Variants in SLC27A6 observed in about 807,000 individuals in gnomAD.
The protein encoded by SLC27A6 is long-chain fatty acid transport protein 6.
Under a neutral mutation model 63.9 loss-of-function variants are expected in SLC27A6, and 74 were observed. The observed-to-expected ratio is 1.16, with a 90% confidence interval of 0.96 to 1.40. The LOEUF (loss-of-function observed/expected upper bound fraction) is 1.40, where lower values mean the gene tolerates loss of function less well. SLC27A6 is among the 40% of genes most tolerant of loss of function. The probability of loss-of-function intolerance (pLI) is 0.00; values close to 1 mark genes in which losing one functional copy is unlikely to be tolerated. For synonymous variants in SLC27A6, 287 were observed against 260.8 expected (o/e 1.10, Z -0.97); for missense variants, 794 against 732.9 (o/e 1.08, Z -0.96).
At chr5:128,995,583 G>A (rs544935045) in intron 4 of SLC27A6, among the ~76,000 whole-genome samples, 8 of 152,274 alleles carry the variant, frequency 5.3e-5, no homozygotes, top group African/African-American at 1.9e-4. Flanking sequence ...TGGCTTCACA[G>A]AAATAGTAAT....
intron 2 of SLC27A6, 48 bp from the exon 3 acceptor site, chr5:128,988,552 T>G: frequency 6.8e-7 from 1 of 1,461,110 alleles, no homozygotes; most frequent in East Asian, 2.3e-5. Flanking sequence ...CATATGTATA[T>G]GTATGTATGT....
At position 128,970,923 on chromosome 5, in the gene SLC27A6, C is replaced by T. The variant is rs532545846; in HGVS notation, c.481+4305C>T. Among the ~76,000 whole-genome samples the T allele has an allele frequency of 3.9e-5, 6 of 152,256 alleles. No individual in the cohort carries two copies. The South Asian group carries it at 1.2e-3, about 32-fold the overall frequency. On this transcript the variant is annotated intron_variant, in intron 1 of 9. Transcript: ENST00000262462. ...GCTATAAATTTCCCTCTACACACTGCTTTAAATGTTTTCCAGAGATTCTGA... is the reference window on the plus strand; with the variant it reads ...GCTATAAATTTCCCTCTACACACTGTTTTAAATGTTTTCCAGAGATTCTGA...
At position 128,990,374 on chromosome 5, in the gene SLC27A6, A is replaced by G. The variant is rs61744876; in HGVS notation, c.879A>G (p.Ala293=). ...GTGTGTTAAAGAAGAAATTTTCAGC[A>G]AGCCAGTTTTGGAGTGACTGCAAGA... The part of the protein sequence containing the change: ...ATCVLKKKFS[A]SQFWSDCKKY... Residue 293 remains alanine, a synonymous_variant, in exon 4 of 10, where the codon GCA becomes GCG. Coordinates refer to ENST00000262462, the MANE Select transcript of SLC27A6 (RefSeq NM_001017372.3). 1.1e-3 allele frequency: 1,843 copies of G among 1,613,954 alleles called. 21 individuals carry two copies. The African/African-American group carries it at 0.022, about 19-fold the overall frequency.
chr5:128,971,330 A>G (rs186424505), intron 1 of SLC27A6, among the ~76,000 whole-genome samples: 7 of 152,146 alleles, frequency 4.6e-5, no homozygotes, highest in African/African-American at 1.7e-4. Context: ...TTTTGGTCTC[A>G]TTGATCTGTC....
chr5:129,016,820 A>G (rs1751914123), intron 5 of SLC27A6, among the ~76,000 whole-genome samples: 1 of 152,170 alleles, frequency 6.6e-6, no homozygotes, highest in Admixed American at 6.5e-5. Context: ...CTATATTAAG[A>G]TAGCACTAAA....
At chr5:128,990,258 A>G in intron 3 of SLC27A6, 82 bp from the exon 4 acceptor site, 2 of 1,371,076 alleles carry the variant, frequency 1.5e-6, no homozygotes, top group Middle Eastern at 1.8e-4. Flanking sequence ...CATGTTCTAG[A>G]CAGAGAAACA....
chr5:129,029,810 G>A (rs1008930122), intron 9 of SLC27A6, 103 bp downstream of exon 9: 16 of 1,009,292 alleles, frequency 1.6e-5, no homozygotes, highest in Non-Finnish European at 2.4e-5. Context: ...TGTGAGTTAT[G>A]TGAGAGGCGT....
At chr5:128,972,661 A>G (rs974118145) in intron 1 of SLC27A6, among the ~76,000 whole-genome samples, 1 of 152,112 alleles carries the variant, frequency 6.6e-6, no homozygotes, top group Non-Finnish European at 1.5e-5. Flanking sequence ...CTAATTAGCC[A>G]TTCATCTAAT....
At chr5:128,990,196 A>C in intron 3 of SLC27A6, 144 bp from the exon 4 acceptor site, 2 of 734,686 alleles carry the variant, frequency 2.7e-6, no homozygotes, top group Non-Finnish European at 4.3e-6. Context: ...TTTCCAAATG[A>C]GTTTGATATA....
intron 7 of SLC27A6, among the ~76,000 whole-genome samples, chr5:129,027,741 C>A (rs1247693795): frequency 6.6e-6 from 1 of 152,012 alleles, no homozygotes. Flanking sequence ...TATTTTAGGC[C>A]TATGAAATTA....
At chr5:128,968,377 AAC>A (rs1749993287) in intron 1 of SLC27A6, among the ~76,000 whole-genome samples, 1 of 152,188 alleles carries the variant, frequency 6.6e-6, no homozygotes, top group East Asian at 1.9e-4. Context: ...CACTCCCACC[AAC>A]AGTGTCAAAG....
intron 4 of SLC27A6, among the ~76,000 whole-genome samples, chr5:128,992,338 C>T (rs1464176405): frequency 6.6e-6 from 1 of 152,154 alleles, no homozygotes; most frequent in East Asian, 1.9e-4. Flanking sequence ...ATCTTCTCTT[C>T]TCTTTGGCTA....
chr5:128,998,568 T>C (rs1184625831), intron 4 of SLC27A6, among the ~76,000 whole-genome samples: 1 of 151,982 alleles, frequency 6.6e-6, no homozygotes, highest in South Asian at 2.1e-4. Flanking sequence ...AGACTAAAAA[T>C]AAAAAACCAG....
At chr5:129,028,509 AAC>A (rs1463454366) in intron 8 of SLC27A6, 67 bp downstream of exon 8, 4 of 944,208 alleles carry the variant, frequency 4.2e-6, no homozygotes, top group African/African-American at 1.7e-5. Flanking sequence ...CTAGTTTTGC[AAC>A]AGTCTTGCTA....
At chr5:128,971,267 G>C (rs4473813) in intron 1 of SLC27A6, among the ~76,000 whole-genome samples, 1 of 151,660 alleles carries the variant, frequency 6.6e-6, no homozygotes, top group East Asian at 1.9e-4. Context: ...GTAGATGTCT[G>C]TTAGGTCTGC....
At chr5:128,986,148 C>T (rs866194426) in intron 2 of SLC27A6, among the ~76,000 whole-genome samples, 16 of 151,766 alleles carry the variant, frequency 1.1e-4, no homozygotes, top group South Asian at 4.2e-4. Context: ...CTCATATGTA[C>T]AAAAAAATTA....
chr5:129,028,288 G>A, intron 7 of SLC27A6, 57 bp from the exon 8 acceptor site: 1 of 1,123,810 alleles, frequency 8.9e-7, no homozygotes. Context: ...ACTAAAACTG[G>A]GTACCTAGTT....
intron 1 of SLC27A6, among the ~76,000 whole-genome samples, chr5:128,968,314 C>A (rs1481833787): frequency 6.6e-6 from 1 of 152,118 alleles, no homozygotes; most frequent in Non-Finnish European, 1.5e-5. Context: ...ATTTCTAGTT[C>A]TAGATCCTTG....
At chr5:128,997,837 C>T (rs541359311) in intron 4 of SLC27A6, among the ~76,000 whole-genome samples, 3 of 152,248 alleles carry the variant, frequency 2.0e-5, no homozygotes, top group South Asian at 4.2e-4. Context: ...CTTTCAGTTG[C>T]TCACTTCTTT....
Sources: gnomAD v4.1 joint callset for allele counts (sites outside exome capture counted in the v4.1 genomes callset) on GRCh38, gnomAD v4.1.1 for gene constraint, MANE v1.5 for transcripts, NCBI Gene and HGNC (gene_info 2026-07-23, HGNC 2026-07-21) for gene names.